Variants in TSPAN10 observed in about 807,000 individuals in gnomAD.
TSPAN10 encodes tetraspanin-10.
In TSPAN10, 11 loss-of-function variants were observed where a neutral mutation model predicts 15.0. The observed-to-expected ratio is 0.73, with a 90% CI of 0.46 to 1.21. TSPAN10 has a LOEUF of 1.21. Ranked by LOEUF, TSPAN10 falls within the 50% of genes most tolerant of loss-of-function variation. The probability of loss-of-function intolerance (pLI) is 0.00; values close to 1 mark genes in which losing one functional copy is unlikely to be tolerated. For missense variants in TSPAN10, 486 were observed against 470.6 expected (o/e 1.03, Z -0.30); for synonymous variants, 241 against 226.2 (o/e 1.07, Z -0.59).
intron 1 of TSPAN10, 89 bp downstream of exon 2, chr17:81,642,537 C>T: frequency 2.9e-6 from 4 of 1,364,356 alleles, no homozygotes; most frequent in Admixed American, 2.1e-5. Flanking sequence ...GGTTCACACC[C>T]ACCCCTGCCC....
Position 81,645,628 on chromosome 17 carries a change from CTG to C in TSPAN10, c.674+2_674+3del. ...CTCCTACCAGGACTGGCAGCAGAAC[CTG>C]TGAGTCTTGGAGTGGGCGAGGGACA... On this transcript the variant is annotated splice_donor_variant and coding_sequence_variant, in exon 2 of 3. Coordinates refer to ENST00000611590, the Ensembl canonical transcript of TSPAN10. LOFTEE classifies it high-confidence loss of function. 1.2e-6 allele frequency: 2 copies of C among 1,612,022 alleles called. No homozygotes were observed. Among genetic ancestry groups the C allele is most frequent in the Non-Finnish European group, 8.5e-7 (1 of 1,179,684 alleles).
In TSPAN10 at chr17:81,645,233, TG is replaced by T. The variant is rs763299253; in HGVS notation, c.280del (p.Ala94ProfsTer41). 2.5e-5 allele frequency: 38 copies of T among 1,538,378 alleles called. No homozygotes were observed. Among genetic ancestry groups the T allele is most frequent in the Non-Finnish European group, 3.2e-5 (37 of 1,149,390 alleles). ...TTCCCCTTCTCCCTGCTGGGGCTGC[TG>T]GCCCTGGCCATCGGGCTCTGGGGCC... is the stretch of plus-strand genomic sequence containing the variant. On this transcript the variant is annotated frameshift_variant, in exon 2 of 3. Transcript: ENST00000611590. LOFTEE classifies it high-confidence loss of function.
chr17:81,644,865 T>C, intron 1 of TSPAN10, 127 bp from the exon 3 acceptor site: 2 of 1,345,218 alleles, frequency 1.5e-6, no homozygotes, highest in Non-Finnish European at 1.0e-6. Context: ...GCTCCAGTGC[T>C]GCCCTCCGCC....
intron 1 of TSPAN10, 49 bp from the exon 3 acceptor site, chr17:81,644,943 A>G (rs1343073073): frequency 6.2e-7 from 1 of 1,600,552 alleles, no homozygotes; most frequent in African/African-American, 1.3e-5. Context: ...ACCAGTTGTC[A>G]CAGAGTCTGG....
downstream of TSPAN10, chr17:81,648,437 G>A (rs1485156968): frequency 7.6e-6 from 6 of 784,828 alleles, no homozygotes; most frequent in Non-Finnish European, 1.0e-5. Flanking sequence ...TACCCAGCTC[G>A]CTCACTTCGC....
At chr17:81,648,292 T>G (rs2036287831) in exon 3 of TSPAN10, 2 of 1,207,860 alleles carry the variant, frequency 1.7e-6, no homozygotes, top group Non-Finnish European at 2.1e-6. Flanking sequence ...CGCCCGGGGC[T>G]GAGCGCACGC....
At chr17:81,644,277 T>C (rs1315185026) in intron 1 of TSPAN10, among the ~76,000 whole-genome samples, 3 of 150,296 alleles carry the variant, frequency 2.0e-5, no homozygotes, top group Non-Finnish European at 4.4e-5. Flanking sequence ...GGGGGTCCCC[T>C]CTGAAGGCCC....
exon 2 of TSPAN10, chr17:81,645,280 G>A (rs962237219): frequency 6.5e-7 from 1 of 1,533,576 alleles, no homozygotes; most frequent in African/African-American, 1.4e-5. Flanking sequence ...GGGGTCTCTG[G>A]GAAGTGATCT....
At chr17:81,642,265 G>A (rs774678422), upstream of TSPAN10, 9 of 790,794 alleles carry the variant, frequency 1.1e-5, no homozygotes, top group South Asian at 8.1e-5. Context: ...GGTAGGGCTC[G>A]CACCTCCCCC....
chr17:81,645,843 A>C, intron 2 of TSPAN10: 1 of 654,850 alleles, frequency 1.5e-6, no homozygotes, highest in Non-Finnish European at 2.7e-6. Context: ...ACACTCCTCT[A>C]CACTGACATG....
At chr17:81,645,102 C>A in exon 2 of TSPAN10, 1 of 1,589,362 alleles carries the variant, frequency 6.3e-7, no homozygotes, top group Non-Finnish European at 8.5e-7. Context: ...GCTGCTGTCC[C>A]CCGGAGACCA....
At chr17:81,642,276 A>G (rs1455253093), upstream of TSPAN10, 2 of 939,604 alleles carry the variant, frequency 2.1e-6, no homozygotes, top group African/African-American at 1.7e-5. Flanking sequence ...CACCTCCCCC[A>G]TTCCCATGCC....
At chr17:81,641,980 T>C (rs2036182351), upstream of TSPAN10, among the ~76,000 whole-genome samples, 1 of 152,020 alleles carries the variant, frequency 6.6e-6, no homozygotes, top group Admixed American at 6.6e-5. Flanking sequence ...ATGGGTCTCT[T>C]GGGATTGGGG....
chr17:81,646,684 A>AAC, intron 2 of TSPAN10: 1 of 151,212 alleles, frequency 6.6e-6, no homozygotes, highest in Non-Finnish European at 1.5e-5. Flanking sequence ...TGTCTCAAAA[A>AAC]AAAAAAAGAA....
intron 2 of TSPAN10, 97 bp from the exon 4 acceptor site, chr17:81,647,804 G>A (rs1023762650): frequency 2.2e-6 from 3 of 1,357,336 alleles, no homozygotes; most frequent in African/African-American, 1.5e-5. Context: ...GTGTGGCCAT[G>A]GAAGGGTGAA....
intron 1 of TSPAN10, among the ~76,000 whole-genome samples, chr17:81,642,850 G>A (rs1378527639): frequency 6.6e-6 from 1 of 152,056 alleles, no homozygotes; most frequent in Non-Finnish European, 1.5e-5. Context: ...TCTTGGGGGT[G>A]ATAAATAACC....
At chr17:81,648,466 GCCAGC>G (rs1340665578), downstream of TSPAN10, 9 of 627,382 alleles carry the variant, frequency 1.4e-5, no homozygotes, top group Non-Finnish European at 2.0e-5. Flanking sequence ...CGTCCCCCAT[GCCAGC>G]CCCCAACGCA....
intron 1 of TSPAN10, among the ~76,000 whole-genome samples, chr17:81,643,119 C>T (rs559359803): frequency 1.3e-5 from 2 of 150,802 alleles, no homozygotes; most frequent in African/African-American, 4.8e-5. Flanking sequence ...ATTCACATGC[C>T]TCAGCCTGCT....
Position 81,643,288 on chromosome 17 carries a change from G to A in TSPAN10, c.36+840G>A, listed in dbSNP as rs186085805. On this transcript the variant is annotated intron_variant, in intron 1 of 2. Transcript: ENST00000611590. Reference sequence around the variant, plus strand: ...GCTGGGATTACAGGCATGAGCCACCGTGCCCGGCCTACAAAAAATAATTTT... The same window carrying A: ...GCTGGGATTACAGGCATGAGCCACCATGCCCGGCCTACAAAAAATAATTTT... Among the ~76,000 whole-genome samples, 391 of 146,902 alleles carry A rather than the reference G, an allele frequency of 2.7e-3. 12 individuals carry two copies. The East Asian group carries it at 0.071, about 27-fold the overall frequency.
Sources: gnomAD v4.1 joint callset for allele counts (sites outside exome capture counted in the v4.1 genomes callset) on GRCh38, gnomAD v4.1.1 for gene constraint, MANE v1.5 for transcripts, NCBI Gene and HGNC (gene_info 2026-07-23, HGNC 2026-07-21) for gene names.